The following AGBL4 variants were observed in gnomAD, a reference collection of about 807,000 sequenced individuals.
AGBL4 encodes cytosolic carboxypeptidase 6.
In AGBL4, 58 loss-of-function variants were observed where a neutral mutation model predicts 66.4. The observed-to-expected ratio is 0.87, with a 90% confidence interval of 0.71 to 1.09. The LOEUF is 1.09. Ranked by LOEUF, AGBL4 falls within the 50% of genes least tolerant of loss-of-function variation. AGBL4 has a pLI of 0.00. For missense variants in AGBL4, 579 were observed against 631.0 expected, an observed-to-expected ratio of 0.92 and a Z score of 0.88; for synonymous variants, 234 against 222.9, an observed-to-expected ratio of 1.05 and a Z score of -0.44.
intron 3 of AGBL4, among the ~76,000 whole-genome samples, chr1:49,442,296 A>G (rs939693382): frequency 1.3e-5 from 2 of 152,230 alleles, no homozygotes; most frequent in Non-Finnish European, 2.9e-5. Flanking sequence ...ATAAAATACA[A>G]TAATAGAGGA....
At chr1:49,843,244 G>T (rs527928966) in intron 2 of AGBL4, among the ~76,000 whole-genome samples, 3 of 152,024 alleles carry the variant, frequency 2.0e-5, no homozygotes, top group African/African-American at 7.2e-5. Context: ...CTCCTGCCTC[G>T]GCCTCCTGAG....
intron 4 of AGBL4, among the ~76,000 whole-genome samples, chr1:49,220,679 C>A (rs1044644097): frequency 6.6e-6 from 1 of 152,116 alleles, no homozygotes; most frequent in Admixed American, 6.6e-5. Context: ...CCCAAAGAAT[C>A]TCTTTACTCT....
At chr1:48,834,541 A>C (rs1033422658) in intron 6 of AGBL4, among the ~76,000 whole-genome samples, 2 of 152,044 alleles carry the variant, frequency 1.3e-5, no homozygotes, top group African/African-American at 4.8e-5. Flanking sequence ...GATGGGATTA[A>C]TGTCTTTATA....
At chr1:49,295,642 C>G (rs1644629424) in intron 3 of AGBL4, among the ~76,000 whole-genome samples, 1 of 152,118 alleles carries the variant, frequency 6.6e-6, no homozygotes, top group Admixed American at 6.6e-5. Context: ...TTCCTAATTT[C>G]AAGTGCAGTA....
At chr1:49,904,779 A>C (rs1650098740) in intron 1 of AGBL4, among the ~76,000 whole-genome samples, 2 of 152,348 alleles carry the variant, frequency 1.3e-5, no homozygotes, top group South Asian at 4.1e-4. Flanking sequence ...AAAAACTTTA[A>C]GTTCTACCAA....
At chr1:49,580,626 T>G (rs1258946387) in intron 3 of AGBL4, among the ~76,000 whole-genome samples, 1 of 152,196 alleles carries the variant, frequency 6.6e-6, no homozygotes, top group Non-Finnish European at 1.5e-5. Context: ...GGGAAAGACT[T>G]TATTCCTTCA....
intron 6 of AGBL4, among the ~76,000 whole-genome samples, chr1:48,698,607 C>T (rs1231543052): frequency 1.3e-5 from 2 of 152,220 alleles, no homozygotes; most frequent in East Asian, 3.9e-4. Context: ...TTGTGGGCCA[C>T]AGATTCTTAT....
At chr1:48,866,093 A>T (rs1648042037) in intron 6 of AGBL4, among the ~76,000 whole-genome samples, 3 of 152,308 alleles carry the variant, frequency 2.0e-5, no homozygotes, top group African/African-American at 7.2e-5. Context: ...CACCCAAACT[A>T]GTGGCTGCAC....
At chr1:49,801,045 A>G (rs1333309466) in intron 2 of AGBL4, among the ~76,000 whole-genome samples, 1 of 151,884 alleles carries the variant, frequency 6.6e-6, no homozygotes, top group Non-Finnish European at 1.5e-5. Context: ...CTGACTTTTT[A>G]ATGATTGCCA....
At chr1:48,896,730 T>C (rs1651548498) in intron 5 of AGBL4, among the ~76,000 whole-genome samples, 2 of 152,072 alleles carry the variant, frequency 1.3e-5, no homozygotes, top group Admixed American at 1.3e-4. Context: ...TTTTCTGAGA[T>C]ACCTCTGCCT....
chr1:49,466,804 T>G (rs764715233), intron 3 of AGBL4, among the ~76,000 whole-genome samples: 4 of 151,810 alleles, frequency 2.6e-5, no homozygotes, highest in Non-Finnish European at 4.4e-5. Flanking sequence ...TGACTAAATC[T>G]GTAATTAAAA....
At chr1:49,446,722 G>A (rs1439041158) in intron 3 of AGBL4, among the ~76,000 whole-genome samples, 1 of 152,090 alleles carries the variant, frequency 6.6e-6, no homozygotes, top group Non-Finnish European at 1.5e-5. Context: ...AGTAGCAGTG[G>A]TGGGATGACT....
chr1:49,254,111 C>T (rs112815213), intron 3 of AGBL4, among the ~76,000 whole-genome samples: 16,968 of 152,134 alleles, frequency 0.11, 1,618 homozygotes, highest in African/African-American at 0.25. Context: ...CGGCAGAAGA[C>T]AAGGATGCCC....
chr1:48,943,620 A>G (rs1175842130), intron 5 of AGBL4, among the ~76,000 whole-genome samples: 11 of 152,262 alleles, frequency 7.2e-5, no homozygotes, highest in African/African-American at 2.7e-4. Context: ...TGAGTAAGAC[A>G]TAATTCCTGC....
chr1:48,592,221 G>A (rs543092401), intron 9 of AGBL4, among the ~76,000 whole-genome samples: 29 of 152,280 alleles, frequency 1.9e-4, no homozygotes, highest in African/African-American at 5.3e-4. Context: ...GTCATCAATG[G>A]CCAACACTAG....
At chr1:49,874,899 T>A (rs1245888046) in intron 1 of AGBL4, among the ~76,000 whole-genome samples, 5 of 151,472 alleles carry the variant, frequency 3.3e-5, no homozygotes, top group Admixed American at 6.6e-5. Flanking sequence ...TATGTATACA[T>A]GTGACATGCT....
chr1:49,703,260 T>C (rs1024126365), intron 2 of AGBL4, among the ~76,000 whole-genome samples: 1 of 151,748 alleles, frequency 6.6e-6, no homozygotes, highest in Non-Finnish European at 1.5e-5. Flanking sequence ...ATAAAATCCA[T>C]ATACAAAATC....
intron 3 of AGBL4, among the ~76,000 whole-genome samples, chr1:49,385,822 T>C (rs1205388178): frequency 6.6e-6 from 1 of 152,056 alleles, no homozygotes; most frequent in Non-Finnish European, 1.5e-5. Flanking sequence ...GCCTAAACTT[T>C]ATAGATAATG....
At chr1:49,064,908 T>C (rs1260073376) in intron 4 of AGBL4, among the ~76,000 whole-genome samples, 1 of 152,214 alleles carries the variant, frequency 6.6e-6, no homozygotes, top group Admixed American at 6.5e-5. Flanking sequence ...AATGACACTT[T>C]AGGATTCCCA....
Sources: allele counts gnomAD v4.1 joint callset (sites outside exome capture counted in the v4.1 genomes callset), GRCh38; gene constraint gnomAD v4.1.1; transcripts MANE v1.5; gene names NCBI Gene and HGNC (gene_info 2026-07-23, HGNC 2026-07-21).